The following RUNX1 variants were observed in gnomAD, a reference collection of about 807,000 sequenced individuals.
The protein encoded by RUNX1 is runt-related transcription factor 1.
RUNX1 carries 19 observed loss-of-function variants against 42.8 expected under a neutral mutation model. The observed-to-expected ratio is 0.44, with a 90% CI of 0.31 to 0.65. RUNX1 has a LOEUF of 0.65. RUNX1 is among the 30% of genes least tolerant of loss of function. The pLI, the probability that RUNX1 is intolerant of heterozygous loss-of-function variation, is 0.07. For synonymous variants in RUNX1, 271 were observed against 289.4 expected (o/e 0.94, Z 0.64); for missense variants, 528 against 672.0 (o/e 0.79, Z 2.37).
chr21:34,846,128 G>T (rs2057311282), intron 6 of RUNX1, among the ~76,000 whole-genome samples: 1 of 151,492 alleles, frequency 6.6e-6, no homozygotes, highest in South Asian at 2.1e-4. Flanking sequence ...TCTCTGACCA[G>T]CCAGCTTTGG....
intron 2 of RUNX1, among the ~76,000 whole-genome samples, chr21:34,984,500 C>T (rs988978724): frequency 2.6e-5 from 4 of 151,932 alleles, no homozygotes; most frequent in African/African-American, 4.8e-5. Context: ...CTCTTTGGTG[C>T]GCTGTGGAGG....
intron 2 of RUNX1, among the ~76,000 whole-genome samples, chr21:35,005,258 A>C (rs2059075535): frequency 6.6e-6 from 1 of 152,138 alleles, no homozygotes; most frequent in Non-Finnish European, 1.5e-5. Context: ...CATTTTACTC[A>C]GTAAAGACCC....
intron 7 of RUNX1, among the ~76,000 whole-genome samples, chr21:34,814,210 C>G (rs2056794462): frequency 6.6e-6 from 1 of 152,114 alleles, no homozygotes; most frequent in Non-Finnish European, 1.5e-5. Flanking sequence ...CAAAATGACC[C>G]CAAATCTCAA....
At chr21:34,875,726 G>T (rs2146331404) in intron 5 of RUNX1, among the ~76,000 whole-genome samples, 1 of 152,206 alleles carries the variant, frequency 6.6e-6, no homozygotes, top group East Asian at 1.9e-4. Context: ...TCATCTCTTG[G>T]TAACAACCGC....
intron 2 of RUNX1, among the ~76,000 whole-genome samples, chr21:35,008,246 T>C (rs11700843): frequency 0.17 from 26,390 of 152,234 alleles, 2,642 homozygotes; most frequent in African/African-American, 0.27. Context: ...GGTGGTGCCA[T>C]GTACACATTC....
rs2056414290 is a variant in RUNX1, at chr21:34,789,927, T to A, written c.*2208A>T. 4.3e-6 allele frequency: 1 copy of A among 232,946 alleles called. No homozygotes were observed. Among genetic ancestry groups the A allele is most frequent in the South Asian group, 1.8e-4 (1 of 5,528 alleles). 14.4% of individuals were successfully genotyped at this position (232,946 alleles called of 1,614,324 possible). On this transcript the variant is annotated 3_prime_UTR_variant, in exon 9 of 9. Coordinates refer to ENST00000675419, the MANE Select transcript of RUNX1 (RefSeq NM_001754.5). ...TTTTTGCAGGTCAGACATGGTAACATGTGCTGAAAAAAAACATTTACGTTT... is the reference window on the plus strand; with the variant it reads ...TTTTTGCAGGTCAGACATGGTAACAAGTGCTGAAAAAAAACATTTACGTTT...
chr21:34,890,098 G>A (rs530937256), intron 3 of RUNX1, among the ~76,000 whole-genome samples: 1 of 152,196 alleles, frequency 6.6e-6, no homozygotes, highest in Admixed American at 6.5e-5. Flanking sequence ...GGGCGTTGCC[G>A]CGGGCCCGGA....
intron 5 of RUNX1, among the ~76,000 whole-genome samples, chr21:34,871,897 G>A (rs916509865): frequency 3.3e-5 from 5 of 150,608 alleles, no homozygotes; most frequent in African/African-American, 4.9e-5. Flanking sequence ...AGGCTGGAGC[G>A]CAGTGGCATA....
At chr21:34,939,232 T>C (rs551153490) in intron 2 of RUNX1, among the ~76,000 whole-genome samples, 1 of 152,246 alleles carries the variant, frequency 6.6e-6, no homozygotes, top group Admixed American at 6.5e-5. Flanking sequence ...TAGAATGTGA[T>C]ACTTTGCTAG....
At chr21:34,839,418 G>A (rs373120857) in intron 6 of RUNX1, among the ~76,000 whole-genome samples, 1 of 151,808 alleles carries the variant, frequency 6.6e-6, no homozygotes, top group African/African-American at 2.4e-5. Context: ...ACACACACTC[G>A]GGATGTACAC....
chr21:34,833,962 C>A, intron 7 of RUNX1: 1 of 329,208 alleles, frequency 3.0e-6, no homozygotes, highest in Non-Finnish European at 6.0e-6. Context: ...ATACAAAACC[C>A]ACAAATAATC....
intron 7 of RUNX1, among the ~76,000 whole-genome samples, chr21:34,813,402 C>T (rs552323534): frequency 1.3e-5 from 2 of 152,158 alleles, no homozygotes; most frequent in Non-Finnish European, 1.5e-5. Flanking sequence ...AAAGCTAACA[C>T]AGCATTGTCC....
intron 8 of RUNX1, among the ~76,000 whole-genome samples, chr21:34,794,469 A>C (rs747931240): frequency 1.3e-5 from 2 of 152,254 alleles, no homozygotes; most frequent in Non-Finnish European, 2.9e-5. Context: ...GTTTGTTAAC[A>C]CAAGTAGATG....
chr21:34,898,476 C>T (rs1475087761), intron 2 of RUNX1, among the ~76,000 whole-genome samples: 3 of 152,138 alleles, frequency 2.0e-5, no homozygotes, highest in Non-Finnish European at 4.4e-5. Flanking sequence ...AAGCCACATA[C>T]CTAAGCCATG....
chr21:34,854,010 T>C (rs1653177672), intron 6 of RUNX1, among the ~76,000 whole-genome samples: 1 of 152,040 alleles, frequency 6.6e-6, no homozygotes, highest in Non-Finnish European at 1.5e-5. Flanking sequence ...GATGGGGTTT[T>C]CCTGTGTTGG....
At chr21:34,866,493 G>A (rs1327934428) in intron 5 of RUNX1, among the ~76,000 whole-genome samples, 1 of 152,094 alleles carries the variant, frequency 6.6e-6, no homozygotes, top group Non-Finnish European at 1.5e-5. Flanking sequence ...ACGTACCCTC[G>A]GATTCCAGGA....
intron 7 of RUNX1, among the ~76,000 whole-genome samples, chr21:34,824,061 G>A (rs996440280): frequency 1.3e-5 from 2 of 152,210 alleles, no homozygotes; most frequent in Admixed American, 1.3e-4. Context: ...CCTGTGTCTG[G>A]AGGCAGTGGC....
At chr21:34,919,717 G>C (rs2058339907) in intron 2 of RUNX1, among the ~76,000 whole-genome samples, 1 of 152,162 alleles carries the variant, frequency 6.6e-6, no homozygotes, top group African/African-American at 2.4e-5. Flanking sequence ...TTCAGGAAGT[G>C]GCATGCATTT....
intron 6 of RUNX1, chr21:34,856,258 T>C: frequency 2.2e-6 from 1 of 459,358 alleles, no homozygotes; most frequent in Non-Finnish European, 4.4e-6. Flanking sequence ...TCCCTCCAAA[T>C]GCCAGATAAC....
Sources: allele counts gnomAD v4.1 joint callset (sites outside exome capture counted in the v4.1 genomes callset), GRCh38; gene constraint gnomAD v4.1.1; transcripts MANE v1.5; gene names NCBI Gene and HGNC (gene_info 2026-07-23, HGNC 2026-07-21).